Variants in HTR4 observed in about 807,000 individuals in gnomAD.
The protein encoded by HTR4 is 5-hydroxytryptamine receptor 4.
HTR4 carries 16 observed loss-of-function variants against 36.8 expected under a neutral mutation model. That is an observed-to-expected ratio of 0.43 (90% CI 0.29 to 0.66). HTR4 has a LOEUF of 0.66. Among genes scored for constraint, HTR4 ranks in the 30% least tolerant of loss-of-function variants. The pLI, the probability that HTR4 is intolerant of heterozygous loss-of-function variation, is 0.13. For synonymous variants in HTR4, 189 were observed against 185.1 expected, an observed-to-expected ratio of 1.02 and a Z score of -0.17; for missense variants, 438 against 490.9, an observed-to-expected ratio of 0.89 and a Z score of 1.02.
At chr5:148,619,394 TA>T in intron 2 of HTR4, among the ~76,000 whole-genome samples, 1 of 152,312 alleles carries the variant, frequency 6.6e-6, no homozygotes, top group South Asian at 2.1e-4. Flanking sequence ...TTAAATTAGA[TA>T]AATATATTTT....
rs145114181 is a variant in HTR4, at chr5:148,455,446, C to T, written c.1077-4174G>A. Among the ~76,000 whole-genome samples the T allele has an allele frequency of 1.8e-3, 271 of 152,294 alleles. 2 individuals carry two copies. The highest frequency in any genetic ancestry group is 5.7e-3 in the African/African-American group (239 of 41,566). ...CCTCTACAGCAGCCTGCTTTTCACA[C>T]GTCTCTCCTCATAAGCATCTGTTTC... On this transcript the variant is annotated intron_variant, in intron 5 of 5. Transcript: ENST00000521530.
At chr5:148,507,562 CCATAT>C (rs1238075487) in intron 6 of HTR4, among the ~76,000 whole-genome samples, 1 of 140,204 alleles carries the variant, frequency 7.1e-6, no homozygotes, top group Non-Finnish European at 1.5e-5. Context: ...TGTACTCATA[CCATAT>C]AAGTTTCTTC....
rs533730335 is a variant in HTR4 at position 148,643,188 on chromosome 5, AG to A, written c.-47-6128del. Among the ~76,000 whole-genome samples the A allele has an allele frequency of 4.7e-3, 710 of 152,312 alleles. 8 individuals carry two copies. The highest frequency in any genetic ancestry group is 0.016 in the African/African-American group (665 of 41,576). On this transcript the variant is annotated intron_variant, in intron 1 of 6. Coordinates refer to ENST00000377888, the MANE Select transcript of HTR4 (RefSeq NM_000870.7). ...GCAAAATGTTTTTAACTTTTTTAAA[AG>A]TAAATACACTTTTCTCAGCTGGGTA... is the stretch of plus-strand genomic sequence containing the variant.
chr5:148,624,427 G>T (rs1383142516), intron 2 of HTR4, among the ~76,000 whole-genome samples: 3 of 152,184 alleles, frequency 2.0e-5, no homozygotes, highest in Admixed American at 2.0e-4. Context: ...AAATACTTGT[G>T]AAGAGTTGAG....
intron 2 of HTR4, among the ~76,000 whole-genome samples, chr5:148,635,478 C>G (rs150893714): frequency 3.3e-5 from 5 of 152,218 alleles, no homozygotes; most frequent in Admixed American, 6.5e-5. Flanking sequence ...GTATCCTGCA[C>G]TATTGTTCCA....
At chr5:148,576,491 T>A (rs6873670) in intron 2 of HTR4, among the ~76,000 whole-genome samples, 84,875 of 151,820 alleles carry the variant, frequency 0.56, 24,705 homozygotes, top group African/African-American at 0.73. Flanking sequence ...ATGGAACCAA[T>A]AAAGAGCTCT....
chr5:148,515,097 C>T (rs72832054), intron 5 of HTR4, among the ~76,000 whole-genome samples: 1 of 151,840 alleles, frequency 6.6e-6, no homozygotes. Context: ...TTTCTTGGTT[C>T]CTTGTTTCCA....
intron 5 of HTR4, among the ~76,000 whole-genome samples, chr5:148,521,544 G>A (rs1329842128): frequency 6.6e-6 from 1 of 150,992 alleles, no homozygotes; most frequent in Non-Finnish European, 1.5e-5. Flanking sequence ...CTACACTATT[G>A]GCTCTCCTGG....
chr5:148,553,095 T>C (rs937915507), intron 2 of HTR4, among the ~76,000 whole-genome samples: 3 of 152,214 alleles, frequency 2.0e-5, no homozygotes, highest in Admixed American at 6.5e-5. Context: ...ACCTACTCTG[T>C]GTTAGGCATT....
At chr5:148,536,047 A>G (rs1240012738) in intron 4 of HTR4, among the ~76,000 whole-genome samples, 1 of 152,218 alleles carries the variant, frequency 6.6e-6, no homozygotes, top group East Asian at 1.9e-4. Context: ...TTCTCACCTG[A>G]AACCCTACAG....
At chr5:148,627,113 T>C (rs1753139792) in intron 2 of HTR4, among the ~76,000 whole-genome samples, 1 of 152,184 alleles carries the variant, frequency 6.6e-6, no homozygotes. Flanking sequence ...TCCTGGTCCT[T>C]ATCCTGCCTC....
At chr5:148,519,621 T>C (rs759876569) in intron 5 of HTR4, among the ~76,000 whole-genome samples, 17 of 152,312 alleles carry the variant, frequency 1.1e-4, no homozygotes, top group Non-Finnish European at 1.9e-4. Context: ...CCCAAATCAA[T>C]ACTTGAGTTG....
chr5:148,468,438 T>C (rs938348499), intron 5 of HTR4, among the ~76,000 whole-genome samples: 6 of 152,190 alleles, frequency 3.9e-5, no homozygotes, highest in African/African-American at 1.4e-4. Flanking sequence ...TTATAAGACC[T>C]TACACTTGTT....
At chr5:148,610,630 C>A (rs1201226375) in intron 2 of HTR4, among the ~76,000 whole-genome samples, 1 of 152,094 alleles carries the variant, frequency 6.6e-6, no homozygotes, top group African/African-American at 2.4e-5. Flanking sequence ...CTCTCCTCCT[C>A]CAAAGGAACG....
At chr5:148,544,431 CT>C (rs1466039131) in intron 4 of HTR4, among the ~76,000 whole-genome samples, 1 of 151,994 alleles carries the variant, frequency 6.6e-6, no homozygotes, top group Admixed American at 6.6e-5. Context: ...CTGCCAGTTG[CT>C]TTTTTTCCCC....
At chr5:148,524,663 T>C (rs896531657) in intron 4 of HTR4, among the ~76,000 whole-genome samples, 1 of 152,168 alleles carries the variant, frequency 6.6e-6, no homozygotes, top group African/African-American at 2.4e-5. Context: ...CATTTCTCTT[T>C]GGGAGAGTAC....
intron 6 of HTR4, among the ~76,000 whole-genome samples, chr5:148,498,625 T>G (rs1300683781): frequency 6.6e-6 from 1 of 152,154 alleles, no homozygotes; most frequent in Non-Finnish European, 1.5e-5. Context: ...TAAAGCAGTA[T>G]GAATGTCATG....
In HTR4 at chr5:148,637,105, T is replaced by A. The variant is rs759693474; in HGVS notation, c.-47-44A>T. Reference sequence around the variant, plus strand: ...AAAGATGTTATAAAAGAAAGCAGCATTGAAAAATACAAGTCCTTGTTTTAA... The same window carrying A: ...AAAGATGTTATAAAAGAAAGCAGCAATGAAAAATACAAGTCCTTGTTTTAA... On this transcript the variant is annotated intron_variant, in intron 1 of 6. Coordinates refer to ENST00000377888, the MANE Select transcript of HTR4 (RefSeq NM_000870.7). 5 of 1,297,874 alleles carry A rather than the reference T, an allele frequency of 3.9e-6. No homozygotes were observed. The African/African-American group carries it at 7.3e-5, about 19-fold the overall frequency. The allele number at this position is 1,297,874 out of a possible 1,614,324, so 80.4% of individuals were successfully genotyped here. A position where few individuals can be genotyped will look rare whatever the true frequency, so the allele number is the denominator to read the frequency against.
At chr5:148,522,145 A>T (rs1443287646) in intron 5 of HTR4, among the ~76,000 whole-genome samples, 2 of 152,124 alleles carry the variant, frequency 1.3e-5, no homozygotes, top group African/African-American at 4.8e-5. Flanking sequence ...CAGCCACGTA[A>T]GATGTGCCTT....
Sources: allele counts gnomAD v4.1 joint callset (sites outside exome capture counted in the v4.1 genomes callset), GRCh38; gene constraint gnomAD v4.1.1; transcripts MANE v1.5; gene names NCBI Gene and HGNC (gene_info 2026-07-23, HGNC 2026-07-21).